Variants in NAV3 observed in about 807,000 individuals in gnomAD.
NAV3 encodes the protein pore membrane and/or filament interacting like protein 1.
In NAV3, 87 loss-of-function variants were observed where a neutral mutation model predicts 244.7. The ratio of observed to expected loss-of-function variants is 0.36; its 90% CI spans 0.30 to 0.42. The LOEUF (loss-of-function observed/expected upper bound fraction) is 0.42. Ranked by LOEUF, NAV3 falls within the 20% of genes least tolerant of loss-of-function variation. NAV3 has a pLI of 1.00. For missense variants in NAV3, 2,663 were observed against 2,893.3 expected (o/e 0.92, Z 1.83); for synonymous variants, 1,126 against 1,042.2 (o/e 1.08, Z -1.55).
At chr12:77,684,977 C>T (rs977740592) in intron 2 of NAV3, among the ~76,000 whole-genome samples, 10 of 152,160 alleles carry the variant, frequency 6.6e-5, no homozygotes, top group Non-Finnish European at 7.3e-5. Flanking sequence ...ACTGTGTAAC[C>T]TGTTCCATTG....
chr12:78,166,460 G>C (rs1220810985), intron 23 of NAV3, among the ~76,000 whole-genome samples: 1 of 151,640 alleles, frequency 6.6e-6, no homozygotes, highest in African/African-American at 2.4e-5. Context: ...ATAGGTGTTT[G>C]CTTATACTCA....
At chr12:77,715,934 T>C (rs532072629) in intron 2 of NAV3, among the ~76,000 whole-genome samples, 1 of 152,174 alleles carries the variant, frequency 6.6e-6, no homozygotes, top group Admixed American at 6.5e-5. Context: ...GCTTCATACC[T>C]AGAACAAAAT....
At chr12:77,580,219 A>AACACACACACACACAC (rs59671759) in intron 2 of NAV3, among the ~76,000 whole-genome samples, 44 of 145,490 alleles carry the variant, frequency 3.0e-4, no homozygotes, top group African/African-American at 1.1e-3. Context: ...GTAGGGTGGG[A>AACACACACACACACAC]ACACACACAC....
chr12:77,935,337 G>T (rs1350880708), intron 1 of NAV3, among the ~76,000 whole-genome samples: 1 of 152,018 alleles, frequency 6.6e-6, no homozygotes, highest in Non-Finnish European at 1.5e-5. Context: ...CATATATGTT[G>T]CCTTCTATTT....
intron 3 of NAV3, among the ~76,000 whole-genome samples, chr12:77,962,584 T>G (rs1240724353): frequency 1.3e-5 from 2 of 152,128 alleles, no homozygotes; most frequent in Admixed American, 1.3e-4. Context: ...GTCTCTTCAC[T>G]AACCTTGTTG....
At chr12:77,785,237 A>G (rs1592681083) in intron 2 of NAV3, among the ~76,000 whole-genome samples, 1 of 152,162 alleles carries the variant, frequency 6.6e-6, no homozygotes, top group African/African-American at 2.4e-5. Context: ...CTTGTTCAGC[A>G]TTTGAAAAGA....
intron 16 of NAV3, among the ~76,000 whole-genome samples, chr12:78,123,838 T>C (rs1187241631): frequency 1.3e-5 from 2 of 152,214 alleles, no homozygotes; most frequent in African/African-American, 4.8e-5. Flanking sequence ...TAAGGGTTCA[T>C]TTTTCCACCT....
intron 1 of NAV3, among the ~76,000 whole-genome samples, chr12:77,833,201 C>T (rs1484675335): frequency 1.3e-5 from 2 of 151,716 alleles, no homozygotes; most frequent in East Asian, 1.9e-4. Context: ...TTATTTGTAT[C>T]TCCACTAAGT....
chr12:78,135,125 T>C (rs1183359709), intron 18 of NAV3, among the ~76,000 whole-genome samples: 1 of 152,218 alleles, frequency 6.6e-6, no homozygotes, highest in Non-Finnish European at 1.5e-5. Context: ...TTGTGTTCCA[T>C]TCAAAAAATT....
intron 2 of NAV3, among the ~76,000 whole-genome samples, chr12:77,766,135 A>AT (rs1333952493): frequency 6.6e-6 from 1 of 152,146 alleles, no homozygotes; most frequent in Non-Finnish European, 1.5e-5. Context: ...CAGGCTGTCT[A>AT]TTTTTTCCCC....
At chr12:77,583,723 C>T (rs953103951) in intron 2 of NAV3, among the ~76,000 whole-genome samples, 21 of 152,022 alleles carry the variant, frequency 1.4e-4, no homozygotes, top group Admixed American at 7.9e-4. Context: ...TTTAAATGCC[C>T]GGCACATCCA....
chr12:78,144,791 G>A (rs557482506), intron 20 of NAV3, among the ~76,000 whole-genome samples: 2 of 150,778 alleles, frequency 1.3e-5, no homozygotes, highest in Non-Finnish European at 3.0e-5. Flanking sequence ...ATTCTAGGAA[G>A]CCTAGAAGCA....
chr12:77,604,839 G>T (rs12308466), intron 2 of NAV3, among the ~76,000 whole-genome samples: 2,030 of 152,154 alleles, frequency 0.013, 58 homozygotes, highest in African/African-American at 0.046. Context: ...ATCACTGTCT[G>T]CATAGAACTG....
chr12:77,924,576 A>G (rs1888013920), intron 1 of NAV3, among the ~76,000 whole-genome samples: 1 of 152,184 alleles, frequency 6.6e-6, no homozygotes, highest in African/African-American at 2.4e-5. Flanking sequence ...GTTTTTGCAC[A>G]GTCATTAATT....
intron 3 of NAV3, among the ~76,000 whole-genome samples, chr12:77,954,572 T>A (rs1218709244): frequency 6.6e-6 from 1 of 152,214 alleles, no homozygotes; most frequent in Non-Finnish European, 1.5e-5. Context: ...GTTTTGTATA[T>A]GGAGTAAATA....
intron 1 of NAV3, among the ~76,000 whole-genome samples, chr12:77,919,104 T>G (rs566691785): frequency 6.6e-6 from 1 of 152,038 alleles, no homozygotes; most frequent in South Asian, 2.1e-4. Flanking sequence ...AGAGGAAGAA[T>G]TAGAAACTTT....
intron 2 of NAV3, among the ~76,000 whole-genome samples, chr12:77,729,770 T>G (rs2137336078): frequency 6.6e-6 from 1 of 152,060 alleles, no homozygotes; most frequent in East Asian, 1.9e-4. Context: ...GGCAGGAGAC[T>G]TACCTATTGG....
At chr12:77,711,786 A>G (rs1213114019) in intron 2 of NAV3, among the ~76,000 whole-genome samples, 2 of 151,974 alleles carry the variant, frequency 1.3e-5, no homozygotes, top group Non-Finnish European at 2.9e-5. Context: ...CTTTTAGGAA[A>G]TTTTCTGCTT....
chr12:77,641,713 A>T (rs711123), intron 2 of NAV3, among the ~76,000 whole-genome samples: 1 of 152,048 alleles, frequency 6.6e-6, no homozygotes, highest in Non-Finnish European at 1.5e-5. Context: ...TCCATTATAC[A>T]TACACCTCCT....
Sources: allele counts gnomAD v4.1 joint callset (sites outside exome capture counted in the v4.1 genomes callset), GRCh38; gene constraint gnomAD v4.1.1; transcripts MANE v1.5; gene names NCBI Gene and HGNC (gene_info 2026-07-23, HGNC 2026-07-21).